Variants in CCDC102A observed in about 807,000 individuals in gnomAD.
CCDC102A encodes coiled-coil domain containing 102A, also known as coiled-coil domain-containing protein 102A.
CCDC102A carries 40 observed loss-of-function variants against 55.5 expected under a neutral mutation model. That is an observed-to-expected ratio of 0.72 (90% CI 0.56 to 0.94). CCDC102A has a LOEUF of 0.94. Among genes scored for constraint, CCDC102A ranks in the 40% least tolerant of loss-of-function variants. The pLI, the probability that CCDC102A is intolerant of heterozygous loss-of-function variation, is 0.00. For missense variants in CCDC102A, 779 were observed against 768.6 expected, an observed-to-expected ratio of 1.01 and a Z score of -0.16; for synonymous variants, 323 against 339.0, an observed-to-expected ratio of 0.95 and a Z score of 0.52.
chr16:57,527,675 C>T (rs1207487524), intron 2 of CCDC102A, among the ~76,000 whole-genome samples: 1 of 152,330 alleles, frequency 6.6e-6, no homozygotes, highest in Admixed American at 6.5e-5. Context: ...CAGCTTTGGC[C>T]TCCCAAAGTG....
chr16:57,515,412 C>T lies in CCDC102A; in HGVS notation c.1452G>A (p.Leu484=). Residue 484 remains leucine (L), a synonymous_variant, in exon 8 of 9, where the codon CTG becomes CTA. Coordinates refer to ENST00000258214, the MANE Select transcript of CCDC102A (RefSeq NM_033212.4). ...CCGTCTGCTCGTCCAGCGACCGCTG[C>T]AGCTTACGTGCCTGGTTGTGGGCCT... ...LDEAHNQARK[L]QRSLDEQTEQ... 6.2e-7 allele frequency: 1 copy of T among 1,608,440 alleles called. No individual in the cohort carries two copies. The highest frequency in any genetic ancestry group is 8.5e-7 in the Non-Finnish European group (1 of 1,178,952).
intron 6 of CCDC102A, among the ~76,000 whole-genome samples, chr16:57,517,423 T>G (rs547155601): frequency 4.9e-4 from 75 of 152,282 alleles, no homozygotes; most frequent in African/African-American, 1.7e-3. Context: ...CTCAGCTCAG[T>G]GCAACCTCTG....
chr16:57,516,318 T>C lies in CCDC102A; in HGVS notation c.1394A>G (p.Lys465Arg). 1.2e-6 allele frequency: 2 copies of C among 1,606,696 alleles called. No homozygotes were observed. The highest frequency in any genetic ancestry group is 2.2e-5 in the East Asian group (1 of 44,894). Residue 465 changes from lysine to arginine, a missense_variant, in exon 7 of 9, where the codon AAG becomes AGG. Lys to Arg is a conservative substitution (Grantham distance 26). Transcript: ENST00000258214. This position sits in a 1 kb window ranked among gnomAD's most constrained non-coding sequence, Gnocchi z 4.4. ...CTCGTCCTCAGCCTGGGCCAGCTCC[T>C]TCTTGAGCTCCTCCACCCGCAGCCG... Reference protein sequence around the residue: ...KLRLRVEELKKELAQAEDELD... With the variant: ...KLRLRVEELKRELAQAEDELD...
chr16:57,518,145 G>C lies in CCDC102A; in HGVS notation c.1171C>G (p.Arg391Gly). 6.2e-7 allele frequency: 1 copy of C among 1,611,106 alleles called. No homozygotes were observed. Among genetic ancestry groups the C allele is most frequent in the Non-Finnish European group, 8.5e-7 (1 of 1,179,742 alleles). Reference sequence around the variant, plus strand: ...GCGCTGGCTGTTTGCCGCCGCCGCCGGGCCAGCGCCTCCTCCAGGTCTCCG... The same window carrying C: ...GCGCTGGCTGTTTGCCGCCGCCGCCCGGCCAGCGCCTCCTCCAGGTCTCCG... Reference protein sequence around the residue: ...QVGDLEEALARRRRQTASALD... With the variant: ...QVGDLEEALAGRRRQTASALD... The change falls in exon 6 of 9, where the codon CGG becomes GGG. Residue 391 changes from arginine (R) to glycine (G), a missense_variant. Physicochemically the swap from Arg to Gly is moderately radical, Grantham distance 125 (BLOSUM62 -2). Coordinates refer to ENST00000258214, the MANE Select transcript of CCDC102A (RefSeq NM_033212.4).
chr16:57,516,195 C>G lies in CCDC102A; in HGVS notation c.1419+98G>C. 8.0e-7 allele frequency: 1 copy of G among 1,254,114 alleles called. No homozygotes were observed. The highest frequency in any genetic ancestry group is 1.1e-6 in the Non-Finnish European group (1 of 898,290). The allele number at this position is 1,254,114 out of a possible 1,614,324, so 77.7% of individuals were successfully genotyped here. ...TCCTGAGAGACAGGCTTGTGCCAGG[C>G]ACCAGGGGCTGAGAATGGAGAAGCC... On this transcript the variant is annotated intron_variant, in intron 7 of 8. Transcript: ENST00000258214. This position sits in a 1 kb window ranked among gnomAD's most constrained non-coding sequence, Gnocchi z 4.4.
In CCDC102A at chr16:57,512,756, T is replaced by A; in HGVS notation, c.1638A>T (p.Gln546His). 5.6e-6 allele frequency: 9 copies of A among 1,613,962 alleles called. No individual in the cohort carries two copies. Among genetic ancestry groups the A allele is most frequent in the Non-Finnish European group, 7.6e-6 (9 of 1,179,892 alleles). ...TSDLDEDEDL[Q>H]IQVA ...ACAGGAAGCTCTAGGCCACCTGGATTTGCAGGTCCTCGTCCTCGTCCAGGT... is the reference window on the plus strand; with the variant it reads ...ACAGGAAGCTCTAGGCCACCTGGATATGCAGGTCCTCGTCCTCGTCCAGGT... Residue 546 changes from glutamine to histidine, a missense_variant, in exon 9 of 9, where the codon CAA becomes CAT. Coordinates refer to ENST00000258214, the MANE Select transcript of CCDC102A (RefSeq NM_033212.4).
rs2031992058 is a variant in CCDC102A at position 57,518,275 on chromosome 16, C to T, written c.1041G>A (p.Met347Ile). 6.2e-7 allele frequency: 1 copy of T among 1,607,788 alleles called. No homozygotes were observed. The highest frequency in any genetic ancestry group is 1.3e-5 in the African/African-American group (1 of 74,954). ...DRKMAELRGE[M>I]ERLQAENAAE... ...CAGCGTTTTCGGCCTGCAGCCGCTC[C>T]ATCTGCAGCAGGGCAGGGCAGAGTG... Residue 347 changes from methionine (M) to isoleucine (I), a missense_variant and splice_region_variant, in exon 6 of 9, where the codon ATG (methionine) becomes ATA (isoleucine). Transcript: ENST00000258214.
chr16:57,514,237 C>T (rs1044341975), intron 8 of CCDC102A, among the ~76,000 whole-genome samples: 6 of 152,118 alleles, frequency 3.9e-5, no homozygotes, highest in Non-Finnish European at 8.8e-5. Flanking sequence ...CACTTTGTCT[C>T]CCAGGCTGGA....
At chr16:57,513,563 C>T (rs1309756369) in intron 8 of CCDC102A, among the ~76,000 whole-genome samples, 1 of 152,270 alleles carries the variant, frequency 6.6e-6, no homozygotes, top group East Asian at 1.9e-4. Context: ...TAAAACGACA[C>T]AGCGGTCCTG....
rs1345105035 is a variant in CCDC102A at position 57,529,923 on chromosome 16, T to C, written c.-147-599A>G. Among the ~76,000 whole-genome samples the C allele has an allele frequency of 6.6e-6, 1 of 152,144 alleles. No individual in the cohort carries two copies. Among genetic ancestry groups the C allele is most frequent in the African/African-American group, 2.4e-5 (1 of 41,410 alleles). On this transcript the variant is annotated intron_variant, in intron 1 of 8. Transcript: ENST00000258214. The surrounding 1 kb of genome is among the most constrained non-coding windows in gnomAD (Gnocchi z 4.1). ...TCCCAACACATGATGACAATGATAT[T>C]TGTGGAGGGCAGGCCACAAGCCAGG...
At chr16:57,533,541 C>A (rs1195494684) in intron 1 of CCDC102A, among the ~76,000 whole-genome samples, 3 of 151,354 alleles carry the variant, frequency 2.0e-5, no homozygotes, top group African/African-American at 4.9e-5. Context: ...CACACTCACA[C>A]ACACACCCCC....
chr16:57,536,035 C>T (rs1286655318), intron 1 of CCDC102A, among the ~76,000 whole-genome samples: 2 of 152,180 alleles, frequency 1.3e-5, no homozygotes, highest in Admixed American at 1.3e-4. Flanking sequence ...AGGGGGTTCC[C>T]GGCCCGCGCC....
In CCDC102A at chr16:57,512,519, C is replaced by CGCGCGT. The variant is rs2031881064; in HGVS notation, c.*221_*222insACGCGC. On this transcript the variant is annotated 3_prime_UTR_variant, in exon 9 of 9. Coordinates refer to ENST00000258214, the MANE Select transcript of CCDC102A (RefSeq NM_033212.4). ...GTCCAAAGACTTCTGGGTGTGCGCGCGCGCGCGCGCGTGTGTGTATATATA... is the reference window on the plus strand; with the variant it reads ...GTCCAAAGACTTCTGGGTGTGCGCGCGCGCGTGCGCGCGCGCGTGTGTGTATATATA... The CGCGCGT allele has an allele frequency of 4.3e-6, 2 of 462,974 alleles. No homozygotes were observed. The highest frequency in any genetic ancestry group is 4.4e-5 in the African/African-American group (2 of 45,582). 28.7% of individuals were successfully genotyped at this position (462,974 alleles called of 1,614,324 possible). A position where few individuals can be genotyped will look rare whatever the true frequency, so the allele number is the denominator to read the frequency against.
At chr16:57,530,005 G>T (rs1276489540) in intron 1 of CCDC102A, among the ~76,000 whole-genome samples, 1 of 152,188 alleles carries the variant, frequency 6.6e-6, no homozygotes, top group Admixed American at 6.5e-5. Flanking sequence ...GAGTGGAGGT[G>T]AAGAAAATGA....
intron 2 of CCDC102A, among the ~76,000 whole-genome samples, chr16:57,527,918 GT>G (rs1240641013): frequency 6.6e-6 from 1 of 152,200 alleles, no homozygotes; most frequent in Admixed American, 6.5e-5. Flanking sequence ...TGCACAGGCA[GT>G]TTCTATCAGC....
intron 8 of CCDC102A, among the ~76,000 whole-genome samples, chr16:57,513,840 C>A (rs2031909067): frequency 6.6e-6 from 1 of 152,218 alleles, no homozygotes; most frequent in Admixed American, 6.5e-5. Flanking sequence ...CTCAGTTTAC[C>A]ATGGCACAAT....
At chr16:57,522,196 G>A (rs1598073887) in intron 3 of CCDC102A, among the ~76,000 whole-genome samples, 1 of 152,308 alleles carries the variant, frequency 6.6e-6, no homozygotes, top group Middle Eastern at 3.4e-3. Flanking sequence ...GAATTTTCTA[G>A]GAATGGAATC....
chr16:57,525,608 T>C (rs544538578), intron 3 of CCDC102A, among the ~76,000 whole-genome samples: 1 of 152,080 alleles, frequency 6.6e-6, no homozygotes, highest in African/African-American at 2.4e-5. Flanking sequence ...CACAGCCCTC[T>C]CCCCCAACTA....
chr16:57,512,576 C>T lies in CCDC102A; in HGVS notation c.*165G>A, dbSNP rs191377304. ...AAACATAGGCTTCCTTTCCACAGGG[C>T]GTTGGTAGGTGGGACTGTTGACGCC... On this transcript the variant is annotated 3_prime_UTR_variant, in exon 9 of 9. Coordinates refer to ENST00000258214, the MANE Select transcript of CCDC102A (RefSeq NM_033212.4). The T allele has an allele frequency of 4.4e-5, 33 of 753,054 alleles. 1 individual carries two copies. The Middle Eastern group carries it at 2.7e-3, about 61-fold the overall frequency. The allele number at this position is 753,054 out of a possible 1,614,324, so 46.6% of individuals were successfully genotyped here.
Sources: gnomAD v4.1 joint callset for allele counts (sites outside exome capture counted in the v4.1 genomes callset) on GRCh38, gnomAD v4.1.1 for gene constraint, Gnocchi (gnomAD v3.1) non-coding constraint, MANE v1.5 for transcripts, NCBI Gene and HGNC (gene_info 2026-07-23, HGNC 2026-07-21) for gene names.